Variants in FGGY observed in about 807,000 individuals in gnomAD.
The protein encoded by FGGY is FGGY carbohydrate kinase domain-containing protein.
Under a neutral mutation model 71.3 loss-of-function variants are expected in FGGY, and 72 were observed. The ratio of observed to expected loss-of-function variants is 1.01; its 90% CI spans 0.84 to 1.23. FGGY has a LOEUF of 1.23. FGGY is among the 50% of genes most tolerant of loss of function. The pLI is 0.00. For synonymous variants in FGGY, 251 were observed against 250.3 expected, an observed-to-expected ratio of 1.00 and a Z score of -0.02; for missense variants, 668 against 682.3, an observed-to-expected ratio of 0.98 and a Z score of 0.23.
intron 7 of FGGY, among the ~76,000 whole-genome samples, chr1:59,547,644 G>A (rs900324385): frequency 1.3e-5 from 2 of 152,176 alleles, no homozygotes; most frequent in Admixed American, 1.3e-4. Flanking sequence ...TTTGCAAAGT[G>A]TCAAGCACAA....
intron 14 of FGGY, among the ~76,000 whole-genome samples, chr1:59,745,824 A>G (rs1032264383): frequency 2.6e-5 from 4 of 152,220 alleles, no homozygotes; most frequent in Admixed American, 6.5e-5. Context: ...AGTGATGGAG[A>G]TTCTGGAAGT....
At chr1:59,437,378 C>T (rs2068697645) in intron 5 of FGGY, among the ~76,000 whole-genome samples, 1 of 152,258 alleles carries the variant, frequency 6.6e-6, no homozygotes, top group Non-Finnish European at 1.5e-5. Flanking sequence ...GCTCTCATCA[C>T]AGGCCAGGCA....
chr1:59,554,619 A>G (rs1435866959), intron 8 of FGGY, among the ~76,000 whole-genome samples: 1 of 152,058 alleles, frequency 6.6e-6, no homozygotes, highest in Non-Finnish European at 1.5e-5. Flanking sequence ...CTCTCTCTCA[A>G]TCAATATAAA....
intron 2 of FGGY, among the ~76,000 whole-genome samples, chr1:59,324,266 C>CTTTTTTTTT (rs71046329): frequency 1.3e-5 from 1 of 78,106 alleles, no homozygotes; most frequent in African/African-American, 4.8e-5. Context: ...ATAATAACTA[C>CTTTTTTTTT]TTTTTTTTTT....
At chr1:59,495,527 T>C (rs1269607033) in intron 6 of FGGY, among the ~76,000 whole-genome samples, 1 of 152,058 alleles carries the variant, frequency 6.6e-6, no homozygotes, top group Non-Finnish European at 1.5e-5. Context: ...ATTGATTTTA[T>C]ATATGATTTT....
At chr1:59,651,158 G>T (rs903750130) in intron 11 of FGGY, among the ~76,000 whole-genome samples, 3 of 151,808 alleles carry the variant, frequency 2.0e-5, no homozygotes, top group Non-Finnish European at 4.4e-5. Context: ...GCTGAGGAGA[G>T]CTTTACTTCC....
intron 12 of FGGY, among the ~76,000 whole-genome samples, chr1:59,665,933 A>G (rs887855996): frequency 1.3e-5 from 2 of 152,154 alleles, no homozygotes; most frequent in African/African-American, 4.8e-5. Context: ...TTGGCCTCCC[A>G]AAGTGCTGGG....
At chr1:59,380,931 CAT>C (rs2059348194) in intron 5 of FGGY, among the ~76,000 whole-genome samples, 13 of 148,082 alleles carry the variant, frequency 8.8e-5, no homozygotes, top group Admixed American at 6.6e-5. Flanking sequence ...TTAGTTCTAA[CAT>C]GTAAGTCTTT....
At chr1:59,697,232 G>A (rs1308580301) in intron 14 of FGGY, among the ~76,000 whole-genome samples, 1 of 152,106 alleles carries the variant, frequency 6.6e-6, no homozygotes, top group Admixed American at 6.5e-5. Flanking sequence ...ATTTTTAAGT[G>A]TACGGTTTGG....
chr1:59,369,725 G>A (rs1274566877), intron 4 of FGGY, among the ~76,000 whole-genome samples: 1 of 152,168 alleles, frequency 6.6e-6, no homozygotes, highest in African/African-American at 2.4e-5. Context: ...ACTCCCAGAA[G>A]AATGATCAGA....
At chr1:59,708,120 G>T (rs1346731567) in intron 14 of FGGY, among the ~76,000 whole-genome samples, 3 of 152,170 alleles carry the variant, frequency 2.0e-5, no homozygotes, top group Non-Finnish European at 4.4e-5. Context: ...CTCTGCCCTT[G>T]TGAATGCAGC....
At chr1:59,487,271 C>G (rs1443854202) in intron 6 of FGGY, among the ~76,000 whole-genome samples, 2 of 152,166 alleles carry the variant, frequency 1.3e-5, no homozygotes, top group Non-Finnish European at 2.9e-5. Flanking sequence ...CTCTGCATCT[C>G]CTTCATTTGC....
intron 6 of FGGY, among the ~76,000 whole-genome samples, chr1:59,468,929 T>C (rs1487520067): frequency 6.6e-6 from 1 of 150,762 alleles, no homozygotes; most frequent in Non-Finnish European, 1.5e-5. Context: ...AGGTATATGC[T>C]GGGGACATAA....
intron 14 of FGGY, among the ~76,000 whole-genome samples, chr1:59,757,648 C>A (rs2098304325): frequency 6.6e-6 from 1 of 152,176 alleles, no homozygotes; most frequent in African/African-American, 2.4e-5. Context: ...AGTCACAGAA[C>A]TGCTTTGCCT....
intron 5 of FGGY, among the ~76,000 whole-genome samples, chr1:59,380,126 C>T (rs541819600): frequency 6.8e-6 from 1 of 147,552 alleles, no homozygotes; most frequent in African/African-American, 2.7e-5. Context: ...GACATGAACT[C>T]ATCCTTTCTT....
intron 5 of FGGY, among the ~76,000 whole-genome samples, chr1:59,394,536 T>C (rs1029072440): frequency 2.0e-5 from 3 of 152,156 alleles, no homozygotes; most frequent in African/African-American, 7.2e-5. Context: ...ATTGAACAGG[T>C]TCAAGTGTAT....
At chr1:59,638,675 G>T (rs2096987399) in intron 11 of FGGY, among the ~76,000 whole-genome samples, 1 of 151,918 alleles carries the variant, frequency 6.6e-6, no homozygotes, top group Admixed American at 6.5e-5. Context: ...ATATCAGTTT[G>T]TAAAGTCAAA....
At chr1:59,487,841 A>G (rs1298383181) in intron 6 of FGGY, among the ~76,000 whole-genome samples, 1 of 151,838 alleles carries the variant, frequency 6.6e-6, no homozygotes, top group Non-Finnish European at 1.5e-5. Flanking sequence ...CCTCAGCCCA[A>G]CTAACTGAGG....
chr1:59,451,736 TG>T (rs774389223), intron 5 of FGGY, among the ~76,000 whole-genome samples: 9 of 152,128 alleles, frequency 5.9e-5, no homozygotes, highest in Non-Finnish European at 7.4e-5. Flanking sequence ...GTGTTGAAAA[TG>T]TTTTTTTTGC....
Sources: allele counts gnomAD v4.1 joint callset (sites outside exome capture counted in the v4.1 genomes callset), GRCh38; gene constraint gnomAD v4.1.1; transcripts MANE v1.5; gene names NCBI Gene and HGNC (gene_info 2026-07-23, HGNC 2026-07-21).